The following NPAS3 variants were observed in gnomAD, a reference collection of about 807,000 sequenced individuals.
NPAS3 encodes the protein neuronal PAS domain protein 3.
NPAS3 carries 14 observed loss-of-function variants against 73.1 expected under a neutral mutation model. The observed-to-expected ratio is 0.19, with a 90% confidence interval of 0.13 to 0.30. The LOEUF is 0.30. Ranked by LOEUF, NPAS3 falls within the 10% of genes least tolerant of loss-of-function variation. The pLI is 1.00. For missense variants in NPAS3, 1,096 were observed against 1,250.0 expected, an observed-to-expected ratio of 0.88 and a Z score of 1.86; for synonymous variants, 620 against 541.5, an observed-to-expected ratio of 1.14 and a Z score of -2.01.
At chr14:33,651,500 G>A (rs749657127) in intron 5 of NPAS3, among the ~76,000 whole-genome samples, 8 of 151,886 alleles carry the variant, frequency 5.3e-5, no homozygotes, top group South Asian at 2.1e-4. Context: ...TTTTAAATAA[G>A]CACCATCTCA....
intron 2 of NPAS3, among the ~76,000 whole-genome samples, chr14:33,161,229 A>G (rs911891187): frequency 2.6e-4 from 40 of 152,246 alleles, no homozygotes; most frequent in Non-Finnish European, 2.1e-4. Flanking sequence ...TATTAGAAGC[A>G]GGAAGTAGTA....
At chr14:33,175,050 A>G (rs1463918835) in intron 2 of NPAS3, among the ~76,000 whole-genome samples, 1 of 152,234 alleles carries the variant, frequency 6.6e-6, no homozygotes, top group Non-Finnish European at 1.5e-5. Flanking sequence ...TATTGTAGAT[A>G]TGTCCTAAGA....
rs1294129857 is a variant in NPAS3 at position 33,367,169 on chromosome 14, TTTCTTTTTCTTTTA to T, written c.386-16_386-3del. On this transcript the variant is annotated splice_polypyrimidine_tract_variant and splice_region_variant and intron_variant, in intron 3 of 11. Transcript: ENST00000356141. The stretch of plus-strand genomic sequence containing the variant: ...CAACTTAATTGTTCTGTTTTCTTTC[TTTCTTTTTCTTTTA>T]AGTTATAGGTGCACAGCGAAGGAGA... The T allele has an allele frequency of 6.0e-6, 5 of 835,012 alleles. No homozygotes were observed. Among genetic ancestry groups the T allele is most frequent in the Non-Finnish European group, 1.0e-5 (5 of 490,040 alleles). 51.7% of individuals were successfully genotyped at this position (835,012 alleles called of 1,614,324 possible). A position where few individuals can be genotyped will look rare whatever the true frequency, so the allele number is the denominator to read the frequency against.
chr14:33,061,488 GC>G (rs2041097767), intron 2 of NPAS3, among the ~76,000 whole-genome samples: 1 of 152,176 alleles, frequency 6.6e-6, no homozygotes, highest in South Asian at 2.1e-4. Context: ...TCCACATCAT[GC>G]CTTTCAGACT....
intron 3 of NPAS3, among the ~76,000 whole-genome samples, chr14:33,290,828 T>G (rs899616016): frequency 6.6e-6 from 1 of 152,216 alleles, no homozygotes; most frequent in East Asian, 1.9e-4. Context: ...AGAATAGAAC[T>G]CGGCAGCATC....
At chr14:32,947,188 G>A (rs2036295424) in intron 1 of NPAS3, among the ~76,000 whole-genome samples, 1 of 152,078 alleles carries the variant, frequency 6.6e-6, no homozygotes, top group African/African-American at 2.4e-5. Flanking sequence ...CAATATAAGT[G>A]TGAATATAGC....
At chr14:33,546,037 C>T (rs982171821) in intron 4 of NPAS3, among the ~76,000 whole-genome samples, 2 of 152,166 alleles carry the variant, frequency 1.3e-5, no homozygotes, top group Non-Finnish European at 2.9e-5. Flanking sequence ...CTTCTGGGGG[C>T]TCCTGTTAAG....
At chr14:32,934,897 G>A, upstream of NPAS3, 1 of 939,308 alleles carries the variant, frequency 1.1e-6, no homozygotes, top group Non-Finnish European at 1.3e-6. The surrounding 1 kb of genome is among the most constrained non-coding windows in gnomAD (Gnocchi z 4.1). Context: ...CGCGGCGGCC[G>A]GCGGGGCGGC....
intron 9 of NPAS3, among the ~76,000 whole-genome samples, chr14:33,783,900 A>G (rs553655737): frequency 6.6e-5 from 10 of 152,322 alleles, no homozygotes; most frequent in South Asian, 2.1e-4. Flanking sequence ...ACTATTTTAC[A>G]CGACGTAAAC....
intron 6 of NPAS3, among the ~76,000 whole-genome samples, chr14:33,731,213 G>A (rs2061389429): frequency 6.6e-6 from 1 of 151,824 alleles, no homozygotes; most frequent in African/African-American, 2.4e-5. Context: ...GAATCCCTGG[G>A]CAACATGGTG....
intron 2 of NPAS3, among the ~76,000 whole-genome samples, chr14:33,211,200 C>T (rs2047021793): frequency 1.3e-5 from 2 of 152,132 alleles, no homozygotes; most frequent in Non-Finnish European, 2.9e-5. Context: ...TAGAAGTCAC[C>T]TCAAATGTAC....
chr14:33,109,746 A>G (rs922845204), intron 2 of NPAS3, among the ~76,000 whole-genome samples: 3 of 137,806 alleles, frequency 2.2e-5, no homozygotes, highest in East Asian at 2.3e-4. Context: ...AATACTGTTT[A>G]TGTTTTTCAT....
At chr14:33,452,754 G>A (rs545493850) in intron 4 of NPAS3, among the ~76,000 whole-genome samples, 67 of 106,308 alleles carry the variant, frequency 6.3e-4, no homozygotes, top group Middle Eastern at 0.013. Flanking sequence ...CAGCCTGGGC[G>A]ACAGAGTTAG....
intron 4 of NPAS3, among the ~76,000 whole-genome samples, chr14:33,477,421 G>T (rs541424602): frequency 6.6e-6 from 1 of 152,004 alleles, no homozygotes; most frequent in Non-Finnish European, 1.5e-5. Flanking sequence ...TGCTCTCACC[G>T]TCCATCCCTA....
intron 5 of NPAS3, among the ~76,000 whole-genome samples, chr14:33,617,803 A>G (rs1324242122): frequency 1.3e-5 from 2 of 152,178 alleles, no homozygotes; most frequent in African/African-American, 4.8e-5. Flanking sequence ...ATTTCTTAAA[A>G]GACAAAGACC....
intron 1 of NPAS3, among the ~76,000 whole-genome samples, chr14:33,026,613 C>T (rs527739742): frequency 6.6e-6 from 1 of 151,820 alleles, no homozygotes; most frequent in South Asian, 2.1e-4. Flanking sequence ...AAGGAGGAAT[C>T]AAGATCTATA....
At chr14:33,687,053 C>G (rs970896030) in intron 6 of NPAS3, among the ~76,000 whole-genome samples, 1 of 152,058 alleles carries the variant, frequency 6.6e-6, no homozygotes, top group Non-Finnish European at 1.5e-5. Flanking sequence ...GGAGGCCTTG[C>G]AAAGGAAGAA....
intron 2 of NPAS3, among the ~76,000 whole-genome samples, chr14:33,188,195 C>T (rs997369073): frequency 6.6e-6 from 1 of 152,200 alleles, no homozygotes; most frequent in African/African-American, 2.4e-5. Context: ...ATAGTAAGTA[C>T]TGAATAAATG....
At chr14:33,553,150 A>G (rs910679974) in intron 4 of NPAS3, among the ~76,000 whole-genome samples, 2 of 152,168 alleles carry the variant, frequency 1.3e-5, no homozygotes, top group African/African-American at 4.8e-5. Context: ...TGGATGTTCA[A>G]ATCAATAAAT....
Sources: allele counts gnomAD v4.1 joint callset (sites outside exome capture counted in the v4.1 genomes callset), GRCh38; gene constraint gnomAD v4.1.1; non-coding constraint Gnocchi (gnomAD v3.1); transcripts MANE v1.5; gene names NCBI Gene and HGNC (gene_info 2026-07-23, HGNC 2026-07-21).